FTO: variants seen among roughly 807,000 people sequenced by gnomAD.
The protein encoded by FTO is alpha-ketoglutarate-dependent dioxygenase FTO.
A neutral mutation model predicts 63.9 loss-of-function variants in FTO; 47 were observed. The ratio of observed to expected loss-of-function variants is 0.74; its 90% CI spans 0.58 to 0.94. The LOEUF is 0.94. Among genes scored for constraint, FTO ranks in the 40% least tolerant of loss-of-function variants. The pLI is 0.00. For missense variants in FTO, 562 were observed against 618.1 expected, an observed-to-expected ratio of 0.91 and a Z score of 0.96; for synonymous variants, 207 against 224.4, an observed-to-expected ratio of 0.92 and a Z score of 0.69.
At chr16:53,924,269 T>A (rs1169894988) in intron 7 of FTO, among the ~76,000 whole-genome samples, 1 of 152,168 alleles carries the variant, frequency 6.6e-6, no homozygotes, top group African/African-American at 2.4e-5. Flanking sequence ...TATACCCCTT[T>A]ATGGATGAGG....
intron 4 of FTO, among the ~76,000 whole-genome samples, chr16:53,846,530 A>G (rs2079624434): frequency 1.3e-5 from 2 of 152,266 alleles, no homozygotes; most frequent in East Asian, 3.9e-4. Context: ...GCTGGGTGCT[A>G]TGGCTCACAC....
At chr16:53,777,884 G>A (rs1056290008) in intron 1 of FTO, among the ~76,000 whole-genome samples, 1 of 152,172 alleles carries the variant, frequency 6.6e-6, no homozygotes, top group East Asian at 1.9e-4. Context: ...AAAAATGTCA[G>A]TCAGCTATTT....
At chr16:54,103,733 T>C (rs1294497499) in intron 8 of FTO, among the ~76,000 whole-genome samples, 1 of 152,186 alleles carries the variant, frequency 6.6e-6, no homozygotes, top group Non-Finnish European at 1.5e-5. Flanking sequence ...CACAGTGTCA[T>C]GATAGCAGTG....
intron 8 of FTO, among the ~76,000 whole-genome samples, chr16:54,053,028 T>C (rs2085348073): frequency 6.6e-6 from 1 of 152,154 alleles, no homozygotes; most frequent in South Asian, 2.1e-4. Flanking sequence ...ATTTTCCCAG[T>C]ATTTGGAGTG....
upstream of FTO, chr16:53,703,991 A>T: frequency 1.5e-6 from 1 of 667,176 alleles, no homozygotes; most frequent in Non-Finnish European, 2.7e-6. Context: ...CGGACCTGGG[A>T]AATTCTCCTG....
At chr16:53,779,355 G>A (rs1396141921) in intron 1 of FTO, among the ~76,000 whole-genome samples, 6 of 151,916 alleles carry the variant, frequency 3.9e-5, no homozygotes, top group African/African-American at 7.3e-5. Context: ...AGTGCCTTAC[G>A]GTGAAGAGGA....
intron 3 of FTO, among the ~76,000 whole-genome samples, chr16:53,839,275 A>G (rs1378250216): frequency 6.6e-6 from 1 of 152,158 alleles, no homozygotes; most frequent in Non-Finnish European, 1.5e-5. Context: ...GGTACTTAAA[A>G]TCTTTTCAAT....
chr16:53,739,192 C>CTTACTA (rs1199307151), intron 1 of FTO, among the ~76,000 whole-genome samples: 2 of 140,942 alleles, frequency 1.4e-5, no homozygotes, highest in South Asian at 2.4e-4. Context: ...GAAAAATATT[C>CTTACTA]TTACTATTAC....
At chr16:53,810,038 G>T in intron 1 of FTO, 102 bp from the exon 2 acceptor site, 1 of 727,460 alleles carries the variant, frequency 1.4e-6, no homozygotes, top group East Asian at 2.7e-5. Context: ...TAAATTCAAA[G>T]TTGGCTAAAA....
intron 1 of FTO, among the ~76,000 whole-genome samples, chr16:53,787,701 A>G (rs2077787826): frequency 6.6e-6 from 1 of 152,194 alleles, no homozygotes; most frequent in African/African-American, 2.4e-5. Context: ...AATCATATAA[A>G]CATCTTTCAT....
chr16:53,936,941 A>G (rs1325037210), intron 8 of FTO, among the ~76,000 whole-genome samples: 4 of 152,234 alleles, frequency 2.6e-5, no homozygotes, highest in Non-Finnish European at 5.9e-5. Context: ...CATATTAGGG[A>G]GAATTTTTAA....
chr16:53,947,775 G>C (rs1421624946), intron 8 of FTO, among the ~76,000 whole-genome samples: 1 of 152,122 alleles, frequency 6.6e-6, no homozygotes, highest in East Asian at 1.9e-4. Context: ...CTGAACACAA[G>C]TCTTTCATTT....
chr16:53,920,501 A>T (rs2081983155), intron 7 of FTO, among the ~76,000 whole-genome samples: 1 of 152,248 alleles, frequency 6.6e-6, no homozygotes, highest in Non-Finnish European at 1.5e-5. Flanking sequence ...GGGCACATAT[A>T]AAGTGTAGAA....
chr16:53,760,262 T>TG (rs1255020051), intron 1 of FTO, among the ~76,000 whole-genome samples: 6 of 90,564 alleles, frequency 6.6e-5, no homozygotes, highest in African/African-American at 1.2e-4. Flanking sequence ...GTGTGTGTGT[T>TG]TTTTGGAGAC....
intron 8 of FTO, among the ~76,000 whole-genome samples, chr16:54,075,843 A>G (rs1001830790): frequency 5.9e-5 from 9 of 152,188 alleles, no homozygotes; most frequent in Non-Finnish European, 1.2e-4. Flanking sequence ...CAGAGTCTTG[A>G]TGCTTGTTTT....
intron 8 of FTO, among the ~76,000 whole-genome samples, chr16:53,948,156 T>A (rs2082692674): frequency 6.6e-6 from 1 of 152,180 alleles, no homozygotes; most frequent in South Asian, 2.1e-4. Flanking sequence ...CTAGTTTTTG[T>A]ACGAAGAGTG....
chr16:53,985,691 T>G (rs1011711563), intron 8 of FTO, among the ~76,000 whole-genome samples: 2 of 152,186 alleles, frequency 1.3e-5, no homozygotes, highest in South Asian at 4.1e-4. Context: ...ATTTTTCTGT[T>G]TTTCAAATCC....
intron 4 of FTO, among the ~76,000 whole-genome samples, chr16:53,848,942 T>G (rs2079710248): frequency 6.6e-6 from 1 of 152,212 alleles, no homozygotes; most frequent in African/African-American, 2.4e-5. Context: ...ATTTGTTTCT[T>G]AAGCACAACT....
chr16:53,758,569 G>C (rs1202758008), intron 1 of FTO, among the ~76,000 whole-genome samples: 4 of 152,296 alleles, frequency 2.6e-5, no homozygotes, highest in Non-Finnish European at 4.4e-5. Context: ...AGGCCCACCA[G>C]TTGACAAACT....
Sources: gnomAD v4.1 joint callset for allele counts (sites outside exome capture counted in the v4.1 genomes callset) on GRCh38, gnomAD v4.1.1 for gene constraint, MANE v1.5 for transcripts, NCBI Gene and HGNC (gene_info 2026-07-23, HGNC 2026-07-21) for gene names.